Variants in KAZN observed in about 807,000 individuals in gnomAD.
The protein encoded by KAZN is kazrin.
A neutral mutation model predicts 87.4 loss-of-function variants in KAZN; 40 were observed. The ratio of observed to expected loss-of-function variants is 0.46; its 90% CI spans 0.36 to 0.60. The LOEUF (loss-of-function observed/expected upper bound fraction) is 0.60. Among genes scored for constraint, KAZN ranks in the 20% least tolerant of loss-of-function variants. KAZN has a pLI of 0.00. For synonymous variants in KAZN, 466 were observed against 458.3 expected (o/e 1.02, Z -0.22); for missense variants, 898 against 1,073.9 (o/e 0.84, Z 2.29).
intron 1 of KAZN, among the ~76,000 whole-genome samples, chr1:14,674,373 G>A (rs1640092027): frequency 6.6e-6 from 1 of 152,232 alleles, no homozygotes; most frequent in Admixed American, 6.5e-5. Flanking sequence ...TTGAGGATTT[G>A]ATCAGTTTAG....
intron 2 of KAZN, among the ~76,000 whole-genome samples, chr1:14,572,087 C>A (rs528255863): frequency 6.6e-6 from 1 of 152,184 alleles, no homozygotes; most frequent in Non-Finnish European, 1.5e-5. Context: ...TTCCCACCGC[C>A]GCTCTGGGAT....
intron 4 of KAZN, among the ~76,000 whole-genome samples, chr1:15,048,612 C>CTGGTCCTGGGTCGTCGGTCCTGGGTCGT (rs1557754187): frequency 6.2e-5 from 5 of 80,056 alleles, no homozygotes; most frequent in African/African-American, 2.0e-4. Context: ...TCCTGGGTCG[C>CTGGTCCTGGGTCGTCGGTCCTGGGTCGT]TGGTCCTGGG....
At chr1:14,595,353 C>T (rs1165151511), upstream of KAZN, among the ~76,000 whole-genome samples, 1 of 151,978 alleles carries the variant, frequency 6.6e-6, no homozygotes, top group East Asian at 1.9e-4. Context: ...AGGTCACCTC[C>T]GGAGGAGCGG....
chr1:14,571,452 T>C (rs1319348763), intron 2 of KAZN, among the ~76,000 whole-genome samples: 3 of 152,232 alleles, frequency 2.0e-5, no homozygotes, highest in Admixed American at 2.0e-4. Context: ...CTTCTGTTTT[T>C]GCTTTGGCCT....
At position 14,416,793 on chromosome 1, in the gene KAZN, GA is replaced by G. The variant is rs536949245; in HGVS notation, c.250-182182del. On this transcript the variant is annotated intron_variant, in intron 2 of 16. Transcript: ENST00000636203. ...ATTTTATTATATATAAGCAAAAAGG[GA>G]AAAAAAACCCAGCTGCATGTGGTGG... Among the ~76,000 whole-genome samples the G allele has an allele frequency of 2.4e-4, 36 of 151,166 alleles. 1 individual carries two copies. In the South Asian group the frequency reaches 7.4e-3, roughly 31 times the overall value.
intron 3 of KAZN, among the ~76,000 whole-genome samples, chr1:15,040,020 C>T (rs548369449): frequency 3.3e-5 from 5 of 152,266 alleles, no homozygotes; most frequent in Admixed American, 1.3e-4. Context: ...GAGAGAGTCG[C>T]GCCTGTAGAT....
At chr1:14,033,422 G>A (rs1641411281) in intron 1 of KAZN, among the ~76,000 whole-genome samples, 2 of 152,180 alleles carry the variant, frequency 1.3e-5, no homozygotes, top group South Asian at 4.1e-4. Flanking sequence ...CCTGGAGACA[G>A]TAAGGCAGCA....
intron 1 of KAZN, among the ~76,000 whole-genome samples, chr1:14,628,915 C>A (rs1003280980): frequency 6.6e-6 from 1 of 150,790 alleles, no homozygotes. Flanking sequence ...GGCACCATCT[C>A]CACTCACTGC....
chr1:14,542,902 T>G lies in KAZN; in HGVS notation c.250-56081T>G, dbSNP rs527941301. On this transcript the variant is annotated intron_variant, in intron 2 of 16. Coordinates refer to the KAZN transcript ENST00000636203. ...GAGCTGCTCACATTGTCTGGAGTGG[T>G]GCTTTGCTCAGCCTGCCCAGCCAGA... Among the ~76,000 whole-genome samples the G allele has an allele frequency of 2.0e-5, 3 of 150,794 alleles. No individual in the cohort carries two copies. In the South Asian group the frequency reaches 6.3e-4, roughly 32 times the overall value.
At chr1:14,170,050 A>G (rs1256844029) in intron 1 of KAZN, among the ~76,000 whole-genome samples, 1 of 152,138 alleles carries the variant, frequency 6.6e-6, no homozygotes, top group Non-Finnish European at 1.5e-5. Flanking sequence ...CTTTCTAAAA[A>G]TGGAGCCACA....
intron 2 of KAZN, among the ~76,000 whole-genome samples, chr1:14,442,847 T>C (rs1302147777): frequency 6.6e-6 from 1 of 152,246 alleles, no homozygotes; most frequent in African/African-American, 2.4e-5. Context: ...TGCCGCCTTG[T>C]GGCAGTTTAG....
At chr1:14,257,831 A>G (rs1487413093) in intron 2 of KAZN, among the ~76,000 whole-genome samples, 6 of 145,894 alleles carry the variant, frequency 4.1e-5, no homozygotes, top group Non-Finnish European at 3.0e-5. Flanking sequence ...ATTGGGAGAT[A>G]TACCTAATGC....
intron 1 of KAZN, among the ~76,000 whole-genome samples, chr1:14,604,715 G>C (rs931862320): frequency 6.6e-6 from 1 of 152,224 alleles, no homozygotes; most frequent in African/African-American, 2.4e-5. Context: ...TGCGGGCTTT[G>C]TTGGCTGGGT....
chr1:13,943,257 A>G (rs1395565529), intron 1 of KAZN, among the ~76,000 whole-genome samples: 1 of 152,184 alleles, frequency 6.6e-6, no homozygotes, highest in East Asian at 1.9e-4. Context: ...TGACTTCCCT[A>G]AGGACCTGAT....
chr1:14,729,894 A>G (rs1044007301), intron 1 of KAZN, among the ~76,000 whole-genome samples: 11 of 152,192 alleles, frequency 7.2e-5, no homozygotes, highest in Admixed American at 2.6e-4. Flanking sequence ...ATTTCATAAC[A>G]TGATAATTAT....
Position 13,984,042 on chromosome 1 carries a change from C to T in KAZN, c.91+90286C>T, listed in dbSNP as rs532418137. On this transcript the variant is annotated intron_variant, in intron 1 of 16. Transcript: ENST00000636203. Reference sequence around the variant, plus strand: ...CTATTTTTTTTTTGAGATGGAGTCTCGCTGTGTCCCCAGGCTGGAATGCAG... The same window carrying T: ...CTATTTTTTTTTTGAGATGGAGTCTTGCTGTGTCCCCAGGCTGGAATGCAG... 1.7e-3 allele frequency among the ~76,000 whole-genome samples: 265 copies of T among 151,774 alleles called. 1 individual carries two copies. The highest frequency in any genetic ancestry group is 0.017 in the Middle Eastern group (5 of 292).
intron 1 of KAZN, among the ~76,000 whole-genome samples, chr1:14,728,832 G>C (rs1236559419): frequency 6.6e-6 from 1 of 152,176 alleles, no homozygotes; most frequent in Admixed American, 6.5e-5. Context: ...TAAAATGGGG[G>C]TAGTAGTAAT....
chr1:14,757,449 A>G (rs1644601817), intron 1 of KAZN, among the ~76,000 whole-genome samples: 1 of 152,214 alleles, frequency 6.6e-6, no homozygotes, highest in Non-Finnish European at 1.5e-5. Flanking sequence ...TCTTCCACAT[A>G]CTAGCTCTGT....
At chr1:14,917,907 C>T (rs1657994182) in intron 1 of KAZN, among the ~76,000 whole-genome samples, 1 of 151,516 alleles carries the variant, frequency 6.6e-6, no homozygotes, top group Admixed American at 6.6e-5. Context: ...GAGATGGAGT[C>T]TTGCTCTGTC....
Sources: gnomAD v4.1 joint callset for allele counts (sites outside exome capture counted in the v4.1 genomes callset) on GRCh38, gnomAD v4.1.1 for gene constraint, MANE v1.5 for transcripts, NCBI Gene and HGNC (gene_info 2026-07-23, HGNC 2026-07-21) for gene names.